The following SLC44A5 variants were observed in gnomAD, a reference collection of about 807,000 sequenced individuals.
The protein encoded by SLC44A5 is solute carrier family 44 member 5.
A neutral mutation model predicts 101.8 loss-of-function variants in SLC44A5; 57 were observed. The ratio of observed to expected loss-of-function variants is 0.56; its 90% CI spans 0.45 to 0.70. The LOEUF (loss-of-function observed/expected upper bound fraction) is 0.70, where lower values mean the gene tolerates loss of function less well. Ranked by LOEUF, SLC44A5 falls within the 30% of genes least tolerant of loss-of-function variation. The pLI, the probability that SLC44A5 is intolerant of heterozygous loss-of-function variation, is 0.00. For missense variants in SLC44A5, 737 were observed against 853.1 expected, an observed-to-expected ratio of 0.86 and a Z score of 1.70; for synonymous variants, 281 against 290.9, an observed-to-expected ratio of 0.97 and a Z score of 0.35.
At position 75,234,023 on chromosome 1, in the gene SLC44A5, C is replaced by T. The variant is rs1396647422; in HGVS notation, c.816G>A (p.Trp272Ter). Residue 272 changes from tryptophan to a stop codon, truncating the protein, a stop_gained, in exon 12 of 24, where the codon TGG (tryptophan) becomes TGA (stop). Transcript: ENST00000370859. LOFTEE classifies it high-confidence loss of function. ...TTCCAATCACACCAATCATGAAGAC[C>T]CAGAAGAGGCATCCAGCTATGAACC... The part of the protein sequence containing the change: ...LLRFIAGCLF[W>*]VFMIGVIGII... The T allele has an allele frequency of 1.9e-6, 3 of 1,613,134 alleles. No homozygotes were observed. Among genetic ancestry groups the T allele is most frequent in the Non-Finnish European group, 8.5e-7 (1 of 1,179,534 alleles).
At chr1:75,647,884 C>T in the SLC44A5 span, among the ~76,000 whole-genome samples, 1 of 152,164 alleles carries the variant, frequency 6.6e-6, no homozygotes, top group Non-Finnish European at 1.5e-5. Context: ...CTTGCCTTGT[C>T]TCAGATGATA....
chr1:75,216,109 A>G (rs12736468), intron 18 of SLC44A5, among the ~76,000 whole-genome samples: 2,673 of 152,108 alleles, frequency 0.018, 50 homozygotes, highest in Non-Finnish European at 0.02. Context: ...ATGCCCTTCA[A>G]CAGTAACTGC....
chr1:75,238,412 A>ATATG (rs1443013609), intron 10 of SLC44A5, 101 bp downstream of exon 10: 5 of 334,102 alleles, frequency 1.5e-5, no homozygotes, highest in African/African-American at 4.6e-5. Context: ...ATATATATAT[A>ATATG]TGTGATTATT....
intron 2 of SLC44A5, among the ~76,000 whole-genome samples, chr1:75,537,328 A>C (rs189083257): frequency 6.6e-6 from 1 of 152,186 alleles, no homozygotes; most frequent in South Asian, 2.1e-4. Flanking sequence ...TCTATCCCTC[A>C]TCAGTTGAAT....
At chr1:75,243,290 C>T (rs1271505279) in intron 7 of SLC44A5, among the ~76,000 whole-genome samples, 2 of 151,970 alleles carry the variant, frequency 1.3e-5, no homozygotes, top group African/African-American at 2.4e-5. Flanking sequence ...GCAAACACCA[C>T]CATGCCCAGC....
At chr1:75,634,993 G>A in the SLC44A5 span, among the ~76,000 whole-genome samples, 10,225 of 151,428 alleles carry the variant, frequency 0.068, 1,134 homozygotes, top group African/African-American at 0.23. Flanking sequence ...CAAAAAGTGG[G>A]CGAAGGATAT....
At chr1:75,504,510 A>G (rs1483638691) in intron 2 of SLC44A5, among the ~76,000 whole-genome samples, 1 of 152,192 alleles carries the variant, frequency 6.6e-6, no homozygotes, top group African/African-American at 2.4e-5. Context: ...TTGAAAATTT[A>G]TACCTCAATC....
chr1:75,676,794 A>G, the SLC44A5 span, among the ~76,000 whole-genome samples: 313 of 152,308 alleles, frequency 2.1e-3, 1 homozygote, highest in African/African-American at 7.1e-3. Context: ...AGCAGATTTA[A>G]CCAAAAGAAG....
At chr1:75,578,477 A>AT (rs1371272230) in intron 1 of SLC44A5, among the ~76,000 whole-genome samples, 3 of 152,216 alleles carry the variant, frequency 2.0e-5, no homozygotes, top group Admixed American at 2.0e-4. Context: ...AGTCTTATAA[A>AT]AAGAAGGAAA....
intron 3 of SLC44A5, among the ~76,000 whole-genome samples, chr1:75,359,948 A>C (rs1444903599): frequency 6.6e-6 from 1 of 152,156 alleles, no homozygotes; most frequent in Non-Finnish European, 1.5e-5. Flanking sequence ...ACATCCTGTC[A>C]GTCATTTATA....
rs899197523 is a variant in SLC44A5, at chr1:75,424,861, T to C, written c.14-28240A>G. 1.1e-4 allele frequency among the ~76,000 whole-genome samples: 17 copies of C among 152,358 alleles called. No individual in the cohort carries two copies. In the East Asian group the frequency reaches 3.3e-3, roughly 29 times the overall value. On this transcript the variant is annotated intron_variant, in intron 2 of 23. Coordinates refer to ENST00000370859, the MANE Select transcript of SLC44A5 (RefSeq NM_001130058.2). The stretch of plus-strand genomic sequence containing the variant: ...AGAACATGAAAAGTGAAGAATTTAG[T>C]GAGCCAACTGTATTCCCCAACTCAT...
At chr1:75,358,387 T>C (rs1427555904) in intron 3 of SLC44A5, among the ~76,000 whole-genome samples, 4 of 152,336 alleles carry the variant, frequency 2.6e-5, no homozygotes, top group African/African-American at 9.6e-5. Context: ...CTCAATTTGG[T>C]ATGTTAGTCA....
chr1:75,501,538 T>C (rs1304975322), intron 2 of SLC44A5, among the ~76,000 whole-genome samples: 1 of 152,220 alleles, frequency 6.6e-6, no homozygotes, highest in Non-Finnish European at 1.5e-5. Flanking sequence ...ATAGCAATAC[T>C]TTTATGTTTG....
chr1:75,394,416 G>A (rs1382286917), intron 3 of SLC44A5, among the ~76,000 whole-genome samples: 2 of 152,138 alleles, frequency 1.3e-5, no homozygotes, highest in African/African-American at 4.8e-5. Context: ...CGTGATGAAA[G>A]GGTTAATTGA....
the SLC44A5 span, among the ~76,000 whole-genome samples, chr1:75,648,085 T>C: frequency 0.76 from 116,302 of 152,144 alleles, 44,841 homozygotes; most frequent in East Asian, 0.96. Flanking sequence ...ATAATCCCCA[T>C]TTGTTGGGGA....
intron 9 of SLC44A5, among the ~76,000 whole-genome samples, chr1:75,239,430 A>C (rs990986438): frequency 6.6e-6 from 1 of 151,834 alleles, no homozygotes; most frequent in African/African-American, 2.4e-5. Context: ...AGCATCACTG[A>C]ATTGCACAGT....
At chr1:75,261,681 C>T (rs942557281) in intron 6 of SLC44A5, among the ~76,000 whole-genome samples, 3 of 152,066 alleles carry the variant, frequency 2.0e-5, no homozygotes, top group African/African-American at 7.3e-5. Context: ...AAGCCAGCAT[C>T]ATCCTAATGC....
intron 2 of SLC44A5, among the ~76,000 whole-genome samples, chr1:75,505,081 A>G (rs751176437): frequency 6.6e-6 from 1 of 152,074 alleles, no homozygotes; most frequent in Non-Finnish European, 1.5e-5. Flanking sequence ...TGTCAGTGAG[A>G]ATCACAATAT....
In SLC44A5 at chr1:75,302,104, G is replaced by GTTTTTTTTTTTTTTTTTTTTTT. The variant is rs1204998592; in HGVS notation, c.102-1420_102-1419insAAAAAAAAAAAAAAAAAAAAAA. Among the ~76,000 whole-genome samples, 4 of 49,590 alleles carry GTTTTTTTTTTTTTTTTTTTTTT rather than the reference G, an allele frequency of 8.1e-5. 2 individuals are homozygous for GTTTTTTTTTTTTTTTTTTTTTT. Among genetic ancestry groups the GTTTTTTTTTTTTTTTTTTTTTT allele is most frequent in the African/African-American group, 1.9e-4 (2 of 10,534 alleles). 32.5% of individuals were successfully genotyped at this position (49,590 alleles called of 152,430 possible). A position where few individuals can be genotyped will look rare whatever the true frequency, so the allele number is the denominator to read the frequency against. On this transcript the variant is annotated intron_variant, in intron 4 of 23. Transcript: ENST00000370859. ...ACAAGAGAAGAAAGCAGGTGCTCTA[G>GTTTTTTTTTTTTTTTTTTTTTT]TTTTTTTGTTTTTTTTTTTTTTTTT...
Sources: allele counts gnomAD v4.1 joint callset (sites outside exome capture counted in the v4.1 genomes callset), GRCh38; gene constraint gnomAD v4.1.1; transcripts MANE v1.5; gene names NCBI Gene and HGNC (gene_info 2026-07-23, HGNC 2026-07-21).